Variants in RELA observed in about 807,000 individuals in gnomAD.
RELA encodes the protein transcription factor p65.
RELA carries 14 observed loss-of-function variants against 56.7 expected under a neutral mutation model. That is an observed-to-expected ratio of 0.25 (90% CI 0.16 to 0.39). The LOEUF (loss-of-function observed/expected upper bound fraction) is 0.39. Ranked by LOEUF, RELA falls within the 10% of genes least tolerant of loss-of-function variation. The pLI, the probability that RELA is intolerant of heterozygous loss-of-function variation, is 1.00. For synonymous variants in RELA, 315 were observed against 289.7 expected, an observed-to-expected ratio of 1.09 and a Z score of -0.89; for missense variants, 559 against 736.4, an observed-to-expected ratio of 0.76 and a Z score of 2.79.
chr11:65,655,218 C>T (rs1856392609), intron 10 of RELA: 1 of 586,844 alleles, frequency 1.7e-6, no homozygotes, highest in South Asian at 2.1e-5. Context: ...CTACTCAAGC[C>T]CACGAAACTC....
At chr11:65,657,429 C>T (rs970290093) in intron 8 of RELA, among the ~76,000 whole-genome samples, 2 of 151,488 alleles carry the variant, frequency 1.3e-5, no homozygotes, top group African/African-American at 4.8e-5. Context: ...ATCTTCTACA[C>T]GTGGCCTCCT....
At position 65,654,135 on chromosome 11, in the gene RELA, A is replaced by G. The variant is rs2135546949; in HGVS notation, c.*243T>C. 1.8e-6 allele frequency: 1 copy of G among 561,820 alleles called. No individual in the cohort carries two copies. Among genetic ancestry groups the G allele is most frequent in the South Asian group, 1.8e-5 (1 of 54,640 alleles). 34.8% of individuals were successfully genotyped at this position (561,820 alleles called of 1,614,324 possible). The stretch of plus-strand genomic sequence containing the variant: ...GGGAGCTGACCATCAGGACAGGGGA[A>G]AAGTTTGAGTTTCCCCAGCTCCCCC... On this transcript the variant is annotated 3_prime_UTR_variant, in exon 11 of 11. Coordinates refer to ENST00000406246, the MANE Select transcript of RELA (RefSeq NM_021975.4).
intron 4 of RELA, among the ~76,000 whole-genome samples, chr11:65,661,069 A>C (rs1856552947): frequency 6.7e-6 from 1 of 148,786 alleles, no homozygotes; most frequent in Non-Finnish European, 1.5e-5. Flanking sequence ...AAGACAAGGT[A>C]TCGCCCTGCC....
At chr11:65,656,610 T>A (rs114603796) in intron 8 of RELA, among the ~76,000 whole-genome samples, 1 of 152,176 alleles carries the variant, frequency 6.6e-6, no homozygotes, top group African/African-American at 2.4e-5. Flanking sequence ...AAGCACCTAC[T>A]ATGTGCCAGC....
At chr11:65,660,296 T>C in intron 4 of RELA, 81 bp from the exon 5 acceptor site, 5 of 1,277,196 alleles carry the variant, frequency 3.9e-6, no homozygotes, top group Non-Finnish European at 4.5e-6. Flanking sequence ...TCCTTCCTAC[T>C]CTGCCCACCC....
chr11:65,656,555 C>T (rs1856434079), intron 8 of RELA, among the ~76,000 whole-genome samples: 1 of 152,178 alleles, frequency 6.6e-6, no homozygotes, highest in African/African-American at 2.4e-5. Context: ...GAATGATTAT[C>T]TTCTTTTCTC....
Position 65,656,500 on chromosome 11 carries a change from CCT to C in RELA, c.878-567_878-566del, listed in dbSNP as rs758909685. 2.6e-5 allele frequency among the ~76,000 whole-genome samples: 4 copies of C among 152,286 alleles called. No homozygotes were observed. In the South Asian group the frequency reaches 8.3e-4, roughly 32 times the overall value. On this transcript the variant is annotated intron_variant, in intron 8 of 10. Transcript: ENST00000406246. ...AAACTAGGTTCTTTCTCCTGCATTC[CCT>C]GACCATCCGCCATCTGCCCTGTCAC...
intron 4 of RELA, chr11:65,660,459 T>C (rs922091024): frequency 1.8e-6 from 1 of 551,156 alleles, no homozygotes. Context: ...GGGCTCCTTT[T>C]CCACTCTCTA....
chr11:65,663,527 C>G (rs1300755622), upstream of RELA, among the ~76,000 whole-genome samples: 1 of 152,228 alleles, frequency 6.6e-6, no homozygotes, highest in East Asian at 1.9e-4. Flanking sequence ...TGAGGCCCTC[C>G]CGCTGGCGAG....
upstream of RELA, among the ~76,000 whole-genome samples, chr11:65,663,505 G>A (rs1856625463): frequency 6.6e-6 from 1 of 152,192 alleles, no homozygotes; most frequent in Non-Finnish European, 1.5e-5. Context: ...CCTACAGCCC[G>A]GATGGGACGA....
intron 5 of RELA, 107 bp downstream of exon 5, chr11:65,660,017 A>C: frequency 8.0e-7 from 1 of 1,253,998 alleles, no homozygotes; most frequent in South Asian, 1.2e-5. Flanking sequence ...CTGAATGGGC[A>C]CCAAGATTCC....
In RELA at chr11:65,654,984, G is replaced by C. The variant is rs1425823168; in HGVS notation, c.1050C>G (p.Pro350=). Residue 350 remains proline (P), a synonymous_variant, in exon 11 of 11, where the codon CCC becomes CCG. Coordinates refer to ENST00000406246, the MANE Select transcript of RELA (RefSeq NM_021975.4). ...TGATGGTGCTCAGGGATGACGTAAA[G>C]GGATAGGGCTGGGGTGCTGGAGGAG... is the stretch of plus-strand genomic sequence containing the variant. The part of the protein sequence containing the change: ...SVPKPAPQPY[P]FTSSLSTINY... 6.2e-7 allele frequency: 1 copy of C among 1,600,960 alleles called. No homozygotes were observed. Among genetic ancestry groups the C allele is most frequent in the African/African-American group, 1.3e-5 (1 of 74,876 alleles).
In RELA at chr11:65,658,508, G is replaced by GGT; in HGVS notation, c.665-10_665-9insAC. ...ATACACCTCAATGTCCTCTGCAGGA[G>GGT]ATGCGGTGGCAGTGTGGGTCAGTGT... On this transcript the variant is annotated splice_polypyrimidine_tract_variant and intron_variant, in intron 7 of 10. Transcript: ENST00000406246. The surrounding 1 kb of genome is among the most constrained non-coding windows in gnomAD (Gnocchi z 4.5). The GGT allele has an allele frequency of 6.3e-7, 1 of 1,592,628 alleles. No homozygotes were observed. The highest frequency in any genetic ancestry group is 2.2e-5 in the East Asian group (1 of 44,530).
rs548164575 is a variant in RELA, at chr11:65,659,693, C to T, written c.532G>A (p.Val178Ile). The change falls in exon 6 of 11, where the codon GTC becomes ATC. Residue 178 changes from valine (V) to isoleucine (I), a missense_variant. By Grantham distance (29) the Val-to-Ile change is conservative (BLOSUM62 3). Coordinates refer to ENST00000406246, the MANE Select transcript of RELA (RefSeq NM_021975.4). ...TTGTCAAAGATGGGATGAGAAAGGA[C>T]AGGCGGCAGGCGGAGGGGCCTGCCT... Reference protein sequence around the residue: ...PSGRPLRLPPVLSHPIFDNRA... With the variant: ...PSGRPLRLPPILSHPIFDNRA... 5.0e-6 allele frequency: 8 copies of T among 1,613,830 alleles called. No homozygotes were observed. Among genetic ancestry groups the T allele is most frequent in the South Asian group, 2.2e-5 (2 of 91,078 alleles).
upstream of RELA, chr11:65,662,997 G>T: frequency 2.4e-6 from 1 of 410,526 alleles, no homozygotes; most frequent in Non-Finnish European, 3.7e-6. Flanking sequence ...CGGCGCAGGG[G>T]CCGGGAGCAA....
Position 65,658,371 on chromosome 11 carries a change from G to T in RELA, c.793C>A (p.Pro265Thr). ...CGCAGCTGCATGGAGACACGCACAG[G>T]AGCCTGCAGGCTGGGGTCTGCGTAG... ...PPYADPSLQAPVRVSMQLRRP... is the reference protein window; with the variant it reads ...PPYADPSLQATVRVSMQLRRP... Residue 265 changes from proline to threonine, a missense_variant, in exon 8 of 11, where the codon CCT (proline) becomes ACT (threonine). Around this residue, in one of 4 missense-constraint regions of RELA, gnomAD observed 365 missense variants for 387.5 expected, o/e 0.94. Coordinates refer to ENST00000406246, the MANE Select transcript of RELA (RefSeq NM_021975.4). The surrounding 1 kb of genome is among the most constrained non-coding windows in gnomAD (Gnocchi z 4.5). 1 of 1,613,890 alleles carries T rather than the reference G, an allele frequency of 6.2e-7. No homozygotes were observed. Among genetic ancestry groups the T allele is most frequent in the South Asian group, 1.1e-5 (1 of 90,990 alleles).
In RELA at chr11:65,658,002, C is replaced by T. The variant is rs116928877; in HGVS notation, c.877+285G>A. ...GCTAGACTCTGCTACTTACTAGCCACGTGAACCCAGGCAAGTTGGACACTA... is the reference window on the plus strand; with the variant it reads ...GCTAGACTCTGCTACTTACTAGCCATGTGAACCCAGGCAAGTTGGACACTA... On this transcript the variant is annotated intron_variant, in intron 8 of 10. Coordinates refer to ENST00000406246, the MANE Select transcript of RELA (RefSeq NM_021975.4). This position sits in a 1 kb window ranked among gnomAD's most constrained non-coding sequence, Gnocchi z 4.5. Among the ~76,000 whole-genome samples the T allele has an allele frequency of 2.7e-3, 408 of 152,252 alleles. 2 individuals are homozygous for T. The highest frequency in any genetic ancestry group is 4.5e-3 in the Non-Finnish European group (304 of 68,034).
Position 65,655,692 on chromosome 11 carries a change from C to G in RELA, c.1029G>C (p.Lys343Asn), listed in dbSNP as rs371744052. 13 of 1,613,914 alleles carry G rather than the reference C, an allele frequency of 8.1e-6. No homozygotes were observed. The highest frequency in any genetic ancestry group is 1.1e-5 in the Non-Finnish European group (13 of 1,180,004). The change falls in exon 10 of 11, where the codon AAG becomes AAC. Residue 343 changes from lysine (K) to asparagine (N), a missense_variant. Transcript: ENST00000406246. Reference protein sequence around the residue: ...VPSRSSASVPKPAPQPYPFTS... With the variant: ...VPSRSSASVPNPAPQPYPFTS... ...GGGACAAAAGGAAATCCTTACCTGG[C>G]TTGGGGACAGAAGCTGAGCTGCGGG...
intron 8 of RELA, among the ~76,000 whole-genome samples, chr11:65,656,803 T>A (rs1029735392): frequency 1.3e-5 from 2 of 152,052 alleles, no homozygotes; most frequent in African/African-American, 4.8e-5. Flanking sequence ...GGCGGGTGGA[T>A]CACGAGGTCA....
Sources: allele counts gnomAD v4.1 joint callset (sites outside exome capture counted in the v4.1 genomes callset), GRCh38; gene constraint gnomAD v4.1.1; regional missense constraint gnomAD v4.1.1; non-coding constraint Gnocchi (gnomAD v3.1); transcripts MANE v1.5; gene names NCBI Gene and HGNC (gene_info 2026-07-23, HGNC 2026-07-21).